The following THSD4 variants were observed in gnomAD, a reference collection of about 807,000 sequenced individuals.
THSD4 encodes thrombospondin type 1 domain containing 4.
A neutral mutation model predicts 119.0 loss-of-function variants in THSD4; 69 were observed. That is an observed-to-expected ratio of 0.58 (90% CI 0.48 to 0.71). THSD4 has a LOEUF of 0.71. Ranked by LOEUF, THSD4 falls within the 30% of genes least tolerant of loss-of-function variation. The probability of loss-of-function intolerance (pLI) is 0.00; values close to 1 mark genes in which losing one functional copy is unlikely to be tolerated. For synonymous variants in THSD4, 524 were observed against 540.4 expected (o/e 0.97, Z 0.42); for missense variants, 1,393 against 1,391.1 (o/e 1.00, Z -0.02).
chr15:71,762,150 A>AACACACACACACACACACAC (rs72267245), intron 15 of THSD4, among the ~76,000 whole-genome samples: 8 of 112,308 alleles, frequency 7.1e-5, no homozygotes, highest in African/African-American at 2.0e-4. Flanking sequence ...CGCGTGTGCA[A>AACACACACACACACACACAC]ACACACACAC....
intron 3 of THSD4, among the ~76,000 whole-genome samples, chr15:71,199,869 G>GTGTGTGTGTGC (rs2043779899): frequency 8.1e-6 from 1 of 124,150 alleles, no homozygotes; most frequent in South Asian, 2.6e-4. Context: ...TGTGGGGTGT[G>GTGTGTGTGTGC]TGTGTGTGTG....
chr15:71,306,297 A>T (rs1430540726), intron 6 of THSD4, among the ~76,000 whole-genome samples: 4 of 116,822 alleles, frequency 3.4e-5, no homozygotes, highest in African/African-American at 1.4e-4. Flanking sequence ...TAAGAGCAAG[A>T]CTCTTGCCTC....
rs562869596 is a variant in THSD4, at chr15:71,154,392, G to C, written c.30-471G>C. Among the ~76,000 whole-genome samples, 888 of 152,354 alleles carry C rather than the reference G, an allele frequency of 5.8e-3. 6 individuals carry two copies. Among genetic ancestry groups the C allele is most frequent in the South Asian group, 0.011 (52 of 4,830 alleles). ...AGAGGAATGGTTCCCAGGAAAGCAT[G>C]AGCTGTAAGGAGAGGAACTTCCCTG... On this transcript the variant is annotated intron_variant, in intron 2 of 17. Coordinates refer to ENST00000261862, the MANE Select transcript of THSD4 (RefSeq NM_024817.3).
At chr15:71,185,402 T>C (rs1326347429) in intron 3 of THSD4, 3 of 151,850 alleles carry the variant, frequency 2.0e-5, no homozygotes, top group African/African-American at 7.2e-5. Context: ...ATCCATGCAT[T>C]ACCTGATTTC....
intron 6 of THSD4, among the ~76,000 whole-genome samples, chr15:71,321,755 ATT>A (rs1034602149): frequency 6.6e-6 from 1 of 152,144 alleles, no homozygotes; most frequent in Non-Finnish European, 1.5e-5. Flanking sequence ...ACATCAGACA[ATT>A]TTTTTAAGTT....
At chr15:71,194,186 A>C (rs1166890292) in intron 3 of THSD4, among the ~76,000 whole-genome samples, 1 of 152,168 alleles carries the variant, frequency 6.6e-6, no homozygotes, top group Non-Finnish European at 1.5e-5. Context: ...AGTCTCGGGT[A>C]TGTCTTTATC....
chr15:71,349,860 A>AG (rs1331363558), intron 6 of THSD4, among the ~76,000 whole-genome samples: 5 of 152,174 alleles, frequency 3.3e-5, no homozygotes, highest in Admixed American at 3.3e-4. Context: ...GGCCCAGGGA[A>AG]GGGGGAGCTG....
chr15:71,735,416 C>G (rs183400423), intron 10 of THSD4, among the ~76,000 whole-genome samples: 1 of 152,114 alleles, frequency 6.6e-6, no homozygotes, highest in Non-Finnish European at 1.5e-5. Flanking sequence ...ACTCCTACCT[C>G]TCCTCCATCT....
chr15:71,547,149 C>A, intron 7 of THSD4: 2 of 1,226,082 alleles, frequency 1.6e-6, no homozygotes, highest in Non-Finnish European at 2.1e-6. Context: ...CTGTTAAAGG[C>A]AGCCCCCCAG....
At chr15:71,711,792 C>A (rs1604337) in intron 8 of THSD4, among the ~76,000 whole-genome samples, 145,177 of 152,180 alleles carry the variant, frequency 0.95, 69,647 homozygotes, top group East Asian at 1. Flanking sequence ...AACAAGGAAA[C>A]ATTACCAAGA....
rs780681679 is a variant in THSD4 at position 71,660,613 on chromosome 15, G to C, written c.1236G>C (p.Gln412His). The C allele has an allele frequency of 1.2e-6, 2 of 1,614,086 alleles. No individual in the cohort carries two copies. Among genetic ancestry groups the C allele is most frequent in the Non-Finnish European group, 1.7e-6 (2 of 1,180,036 alleles). ...GTGGAGGAGACAACACGGGCTGTCA[G>C]GTTGTGTCGGGCGTGTTTAAGCATG... is the stretch of plus-strand genomic sequence containing the variant. ...GVCGGDNTGC[Q>H]VVSGVFKHAL... The change falls in exon 8 of 18, where the codon CAG becomes CAC. Residue 412 changes from glutamine to histidine, a missense_variant. Coordinates refer to ENST00000261862, the MANE Select transcript of THSD4 (RefSeq NM_024817.3).
intron 7 of THSD4, among the ~76,000 whole-genome samples, chr15:71,585,750 G>T (rs1051228101): frequency 6.6e-6 from 1 of 152,056 alleles, no homozygotes; most frequent in Non-Finnish European, 1.5e-5. Context: ...CATAAGTCCT[G>T]TAGGCTTTCT....
intron 7 of THSD4, among the ~76,000 whole-genome samples, chr15:71,589,944 G>T (rs1365331653): frequency 7.2e-6 from 1 of 139,478 alleles, no homozygotes; most frequent in African/African-American, 2.5e-5. Context: ...AAGAAAGATG[G>T]TTTCTGAATT....
intron 5 of THSD4, among the ~76,000 whole-genome samples, chr15:71,254,834 C>T (rs944011482): frequency 1.3e-5 from 2 of 152,196 alleles, no homozygotes; most frequent in Non-Finnish European, 2.9e-5. Flanking sequence ...TCCGCCTCTC[C>T]CTGATTGTCA....
At chr15:71,412,569 A>T (rs2046704468) in intron 7 of THSD4, among the ~76,000 whole-genome samples, 1 of 152,188 alleles carries the variant, frequency 6.6e-6, no homozygotes, top group Non-Finnish European at 1.5e-5. Context: ...AGCCCAAACG[A>T]AGAGTCTCTC....
At chr15:71,558,242 C>T (rs887689497) in intron 7 of THSD4, among the ~76,000 whole-genome samples, 4 of 152,092 alleles carry the variant, frequency 2.6e-5, no homozygotes, top group Non-Finnish European at 5.9e-5. Context: ...GCAGGGGAAT[C>T]GCTTGAACCC....
At chr15:71,727,453 T>C (rs899173399) in intron 8 of THSD4, among the ~76,000 whole-genome samples, 8 of 149,884 alleles carry the variant, frequency 5.3e-5, no homozygotes, top group African/African-American at 2.0e-4. Flanking sequence ...CCCAGCACTT[T>C]GGGAGGCTGA....
chr15:71,684,651 T>C (rs1459478980), intron 8 of THSD4, among the ~76,000 whole-genome samples: 3 of 152,134 alleles, frequency 2.0e-5, no homozygotes, highest in Non-Finnish European at 2.9e-5. Flanking sequence ...ATGGTTTTTT[T>C]AATGTTCTGT....
At chr15:71,494,948 T>C (rs1206018850) in intron 7 of THSD4, among the ~76,000 whole-genome samples, 2 of 152,190 alleles carry the variant, frequency 1.3e-5, no homozygotes, top group Non-Finnish European at 2.9e-5. Flanking sequence ...GAGGTGCTGG[T>C]AGGAAAGGTC....
Sources: gnomAD v4.1 joint callset for allele counts (sites outside exome capture counted in the v4.1 genomes callset) on GRCh38, gnomAD v4.1.1 for gene constraint, MANE v1.5 for transcripts, NCBI Gene and HGNC (gene_info 2026-07-23, HGNC 2026-07-21) for gene names.